CSMD2: variants seen among roughly 807,000 people sequenced by gnomAD.
CSMD2 encodes the protein CUB and Sushi multiple domains 2.
In CSMD2, 130 loss-of-function variants were observed where a neutral mutation model predicts 398.5. That is an observed-to-expected ratio of 0.33 (90% CI 0.28 to 0.38). The LOEUF is 0.38. Among genes scored for constraint, CSMD2 ranks in the 10% least tolerant of loss-of-function variants. CSMD2 has a pLI of 1.00. For missense variants in CSMD2, 3,829 were observed against 4,764.9 expected, an observed-to-expected ratio of 0.80 and a Z score of 5.78; for synonymous variants, 1,828 against 1,908.5, an observed-to-expected ratio of 0.96 and a Z score of 1.10.
intron 25 of CSMD2, 68 bp downstream of exon 25, chr1:33,692,861 TG>T: frequency 6.3e-7 from 1 of 1,587,942 alleles, no homozygotes; most frequent in Non-Finnish European, 8.6e-7. Context: ...CTGGATGGCC[TG>T]GTGATGATGC....
intron 1 of CSMD2, among the ~76,000 whole-genome samples, chr1:34,150,730 T>C (rs771131): frequency 1.3e-5 from 2 of 151,480 alleles, no homozygotes; most frequent in East Asian, 2.0e-4. Flanking sequence ...CCGGGCAACA[T>C]AGCAAGACCC....
At chr1:34,046,785 C>T (rs998243337) in intron 2 of CSMD2, among the ~76,000 whole-genome samples, 12 of 152,180 alleles carry the variant, frequency 7.9e-5, no homozygotes, top group African/African-American at 2.7e-4. Context: ...ATGTACTATG[C>T]TTGGTTCTCA....
chr1:33,774,018 C>G (rs959783123), intron 12 of CSMD2, among the ~76,000 whole-genome samples: 1 of 151,998 alleles, frequency 6.6e-6, no homozygotes, highest in South Asian at 2.1e-4. Flanking sequence ...TATGGGCGGG[C>G]TCTTGACTGT....
At chr1:33,734,987 C>T (rs1377239684) in intron 15 of CSMD2, among the ~76,000 whole-genome samples, 4 of 152,056 alleles carry the variant, frequency 2.6e-5, no homozygotes, top group Admixed American at 2.6e-4. Context: ...TGTCAATTTC[C>T]GATGTCTCCA....
At chr1:33,741,030 G>T (rs746027816) in intron 14 of CSMD2, among the ~76,000 whole-genome samples, 1 of 152,134 alleles carries the variant, frequency 6.6e-6, no homozygotes, top group Non-Finnish European at 1.5e-5. Context: ...GATGACTGTT[G>T]AGTGCTCAGC....
intron 51 of CSMD2, among the ~76,000 whole-genome samples, chr1:33,570,911 G>A (rs1031525288): frequency 6.6e-6 from 1 of 152,156 alleles, no homozygotes; most frequent in African/African-American, 2.4e-5. Context: ...TTCTCCTTCT[G>A]CCCAGTCCTG....
chr1:33,821,901 T>C (rs1057269838), intron 7 of CSMD2, among the ~76,000 whole-genome samples: 45 of 152,166 alleles, frequency 3.0e-4, no homozygotes, highest in African/African-American at 1.1e-3. Context: ...ATGACAAAGA[T>C]AGACAGGCAC....
At chr1:34,161,273 C>G (rs576559302) in intron 1 of CSMD2, among the ~76,000 whole-genome samples, 11 of 152,274 alleles carry the variant, frequency 7.2e-5, no homozygotes, top group African/African-American at 2.4e-4. Flanking sequence ...CATGGGTTAC[C>G]TAGACCCAGA....
intron 25 of CSMD2, among the ~76,000 whole-genome samples, chr1:33,664,361 C>T (rs1371302269): frequency 6.6e-6 from 1 of 152,150 alleles, no homozygotes; most frequent in Non-Finnish European, 1.5e-5. Context: ...ACATCACCCT[C>T]ATTTTTCTGC....
intron 2 of CSMD2, among the ~76,000 whole-genome samples, chr1:34,055,559 G>A (rs1324911305): frequency 6.6e-6 from 1 of 152,172 alleles, no homozygotes; most frequent in Non-Finnish European, 1.5e-5. Context: ...AGGACTCAGG[G>A]AAATACTTAC....
Position 33,605,304 on chromosome 1 carries a change from G to A in CSMD2, c.6510C>T (p.Asp2170=), listed in dbSNP as rs771201869. The change falls in exon 42 of 71, where the codon GAC becomes GAT. Residue 2170 remains aspartate (D), a synonymous_variant. Coordinates refer to ENST00000373381, the MANE Select transcript of CSMD2 (RefSeq NM_001281956.2). ...TACCTTCACACTTGGGCAGGGGGTG[G>A]TCCCAGTTCCGGTTGGTGCCATGTT... The part of the protein sequence containing the change: ...TCQHGTNRNW[D]HPLPKCEVPC... 6.2e-6 allele frequency: 10 copies of A among 1,614,166 alleles called. No homozygotes were observed. The highest frequency in any genetic ancestry group is 8.5e-6 in the Non-Finnish European group (10 of 1,180,012).
At chr1:33,681,941 G>A (rs556987992) in intron 25 of CSMD2, among the ~76,000 whole-genome samples, 1 of 152,282 alleles carries the variant, frequency 6.6e-6, no homozygotes, top group African/African-American at 2.4e-5. Flanking sequence ...ACTCCAGCCT[G>A]GGCAACAGAG....
intron 66 of CSMD2, among the ~76,000 whole-genome samples, chr1:33,524,528 CT>C (rs1226660097): frequency 2.6e-5 from 4 of 151,198 alleles, no homozygotes; most frequent in South Asian, 2.1e-4. Flanking sequence ...TTTGAGTTTA[CT>C]TTTTTTTTGA....
intron 2 of CSMD2, among the ~76,000 whole-genome samples, chr1:34,039,255 G>A (rs1570905983): frequency 6.6e-6 from 1 of 152,146 alleles, no homozygotes; most frequent in Admixed American, 6.5e-5. Context: ...TTGGGTAGCA[G>A]TGAAGGTCAC....
chr1:33,701,023 C>G (rs1645596032), intron 22 of CSMD2, among the ~76,000 whole-genome samples: 1 of 152,190 alleles, frequency 6.6e-6, no homozygotes, highest in Non-Finnish European at 1.5e-5. Context: ...GTTTGGGTTG[C>G]CTGCTTGTCA....
chr1:34,106,789 T>C (rs988253290), intron 1 of CSMD2, among the ~76,000 whole-genome samples: 3 of 152,178 alleles, frequency 2.0e-5, no homozygotes, highest in Non-Finnish European at 2.9e-5. Flanking sequence ...AGCCTGTCCC[T>C]GTACCATATT....
intron 9 of CSMD2, among the ~76,000 whole-genome samples, chr1:33,815,950 T>A (rs1657415267): frequency 6.6e-6 from 1 of 152,088 alleles, no homozygotes; most frequent in Non-Finnish European, 1.5e-5. Context: ...ACAATTATGT[T>A]TAAGGAGTAA....
intron 10 of CSMD2, among the ~76,000 whole-genome samples, chr1:33,794,437 C>T (rs551647836): frequency 7.0e-4 from 107 of 152,112 alleles, no homozygotes; most frequent in Non-Finnish European, 1.3e-3. Context: ...GGAGTTCAAC[C>T]AATGGATATG....
chr1:33,573,967 C>T (rs2148703187), intron 49 of CSMD2, among the ~76,000 whole-genome samples: 1 of 152,320 alleles, frequency 6.6e-6, no homozygotes, highest in Non-Finnish European at 1.5e-5. Flanking sequence ...TGGCATAAGA[C>T]TTCCCATCAG....
Sources: gnomAD v4.1 joint callset for allele counts (sites outside exome capture counted in the v4.1 genomes callset) on GRCh38, gnomAD v4.1.1 for gene constraint, MANE v1.5 for transcripts, NCBI Gene and HGNC (gene_info 2026-07-23, HGNC 2026-07-21) for gene names.